The following PDGFC variants were observed in gnomAD, a reference collection of about 807,000 sequenced individuals.
PDGFC encodes the protein platelet derived growth factor C.
PDGFC carries 12 observed loss-of-function variants against 35.5 expected under a neutral mutation model. The observed-to-expected ratio is 0.34, with a 90% CI of 0.22 to 0.55. PDGFC has a LOEUF of 0.55. Among genes scored for constraint, PDGFC ranks in the 20% least tolerant of loss-of-function variants. The pLI, the probability that PDGFC is intolerant of heterozygous loss-of-function variation, is 0.91. For synonymous variants in PDGFC, 159 were observed against 148.8 expected, an observed-to-expected ratio of 1.07 and a Z score of -0.50; for missense variants, 322 against 412.4, an observed-to-expected ratio of 0.78 and a Z score of 1.90.
At chr4:156,827,374 G>A (rs146717958) in intron 2 of PDGFC, among the ~76,000 whole-genome samples, 15 of 150,608 alleles carry the variant, frequency 1.0e-4, no homozygotes, top group African/African-American at 2.5e-4. Flanking sequence ...GGGAGATCAC[G>A]CCACTGCACT....
intron 1 of PDGFC, among the ~76,000 whole-genome samples, chr4:156,881,660 G>A (rs536897081): frequency 3.1e-4 from 47 of 152,000 alleles, no homozygotes; most frequent in Admixed American, 2.8e-3. Context: ...GTGAAACCCT[G>A]TCTCTACTAA....
intron 1 of PDGFC, among the ~76,000 whole-genome samples, chr4:156,883,953 C>T (rs1730314619): frequency 6.6e-6 from 1 of 152,164 alleles, no homozygotes; most frequent in Non-Finnish European, 1.5e-5. Flanking sequence ...ACAAACAATG[C>T]TCACACAAAT....
At chr4:156,970,580 C>A (rs1315859167) in intron 1 of PDGFC, among the ~76,000 whole-genome samples, 1 of 152,190 alleles carries the variant, frequency 6.6e-6, no homozygotes, top group East Asian at 1.9e-4. Flanking sequence ...CTCACGTTGC[C>A]CTCTTGGAGC....
At chr4:156,814,419 A>T (rs1451970036) in intron 2 of PDGFC, among the ~76,000 whole-genome samples, 1 of 152,142 alleles carries the variant, frequency 6.6e-6, no homozygotes, top group Non-Finnish European at 1.5e-5. Flanking sequence ...AGAGAATTTC[A>T]CCTGAAGCAG....
intron 1 of PDGFC, among the ~76,000 whole-genome samples, chr4:156,903,561 T>C (rs981882712): frequency 4.6e-5 from 7 of 152,058 alleles, no homozygotes; most frequent in African/African-American, 1.4e-4. Context: ...AACTACAAAA[T>C]AACACATAGC....
rs1406539113 is a variant in PDGFC, at chr4:156,970,775, G to GA, written c.118+10dup. 6.6e-7 allele frequency: 1 copy of GA among 1,523,582 alleles called. No homozygotes were observed. Among genetic ancestry groups the GA allele is most frequent in the Admixed American group, 1.7e-5 (1 of 59,862 alleles). The allele number at this position is 1,523,582 out of a possible 1,614,324, so 94.4% of individuals were successfully genotyped here. ...AGAAACAAGCAGGGGGAGAATGGGG[G>GA]AAAGACTCACCGTTCTGTTCCTTGT... On this transcript the variant is annotated intron_variant, in intron 1 of 5. Coordinates refer to ENST00000502773, the MANE Select transcript of PDGFC (RefSeq NM_016205.3).
intron 1 of PDGFC, among the ~76,000 whole-genome samples, chr4:156,938,442 A>G (rs1294223738): frequency 6.6e-6 from 1 of 152,178 alleles, no homozygotes; most frequent in East Asian, 1.9e-4. Flanking sequence ...TGGGACCCAT[A>G]AAACTTTATA....
At chr4:156,852,176 T>A (rs1729473646) in intron 1 of PDGFC, among the ~76,000 whole-genome samples, 1 of 152,146 alleles carries the variant, frequency 6.6e-6, no homozygotes, top group Non-Finnish European at 1.5e-5. Context: ...CAACAGTCTT[T>A]AGCAATGCCT....
rs758324617 is a variant in PDGFC at position 156,850,420 on chromosome 4, A to G, written c.119-4T>C. The G allele has an allele frequency of 8.4e-6, 13 of 1,553,108 alleles. No individual in the cohort carries two copies. The highest frequency in any genetic ancestry group is 1.1e-5 in the Non-Finnish European group (13 of 1,142,328). On this transcript the variant is annotated splice_polypyrimidine_tract_variant and splice_region_variant and intron_variant, in intron 1 of 5. Transcript: ENST00000502773. ...TCATGCTGAGGATCTTGTACTCCTA[A>G]AGCAAAAAACATAGACATAGACATA... is the stretch of plus-strand genomic sequence containing the variant.
intron 1 of PDGFC, among the ~76,000 whole-genome samples, chr4:156,926,597 G>A (rs1731420310): frequency 6.6e-6 from 1 of 152,200 alleles, no homozygotes. Flanking sequence ...AATTCACTGG[G>A]CAGTCAAATT....
chr4:156,869,939 C>T (rs1033322298), intron 1 of PDGFC, among the ~76,000 whole-genome samples: 1 of 151,780 alleles, frequency 6.6e-6, no homozygotes, highest in African/African-American at 2.4e-5. Flanking sequence ...AAATATAACT[C>T]TCATAATGTC....
chr4:156,793,737 A>C (rs1731362382), intron 3 of PDGFC, among the ~76,000 whole-genome samples: 2 of 151,848 alleles, frequency 1.3e-5, no homozygotes, highest in Non-Finnish European at 2.9e-5. Context: ...ATACTTGTTG[A>C]CTACCACATG....
At chr4:156,926,049 CAAA>C (rs397707839) in intron 1 of PDGFC, among the ~76,000 whole-genome samples, 3 of 67,546 alleles carry the variant, frequency 4.4e-5, no homozygotes, top group Admixed American at 2.0e-4. Context: ...AGATCTGTCT[CAAA>C]AAAAAAAAAA....
chr4:156,922,261 T>C (rs933940556), intron 1 of PDGFC, among the ~76,000 whole-genome samples: 12 of 152,060 alleles, frequency 7.9e-5, no homozygotes, highest in African/African-American at 2.4e-4. Context: ...CAGCTAAACA[T>C]TGTTCATGTG....
chr4:156,836,797 A>C (rs564994125), intron 2 of PDGFC, among the ~76,000 whole-genome samples: 2 of 152,338 alleles, frequency 1.3e-5, no homozygotes, highest in African/African-American at 2.4e-5. Context: ...GAAAACAATA[A>C]ATTTTTTTTG....
chr4:156,868,840 A>G (rs964163524), intron 1 of PDGFC, among the ~76,000 whole-genome samples: 4 of 152,168 alleles, frequency 2.6e-5, no homozygotes, highest in Admixed American at 2.6e-4. Context: ...TCTTCTTTCT[A>G]TAATCATAAA....
rs576483486 is a variant in PDGFC, at chr4:156,762,154, T to C, written c.*936A>G. 6.5e-6 allele frequency: 1 copy of C among 152,748 alleles called. No individual in the cohort carries two copies. The highest frequency in any genetic ancestry group is 1.9e-4 in the East Asian group (1 of 5,184). The allele number at this position is 152,748 out of a possible 1,614,324, so 9.5% of individuals were successfully genotyped here. A position where few individuals can be genotyped will look rare whatever the true frequency, so the allele number is the denominator to read the frequency against. ...GCAGATTAATCTAACTCTAGCACCATACGAGAATGAAATACATGTATTTTT... is the reference window on the plus strand; with the variant it reads ...GCAGATTAATCTAACTCTAGCACCACACGAGAATGAAATACATGTATTTTT... On this transcript the variant is annotated 3_prime_UTR_variant, in exon 6 of 6. Coordinates refer to ENST00000502773, the MANE Select transcript of PDGFC (RefSeq NM_016205.3).
At chr4:156,819,862 C>T (rs1298493781) in intron 2 of PDGFC, among the ~76,000 whole-genome samples, 2 of 152,188 alleles carry the variant, frequency 1.3e-5, no homozygotes, top group Non-Finnish European at 2.9e-5. Flanking sequence ...ATTCACCATT[C>T]TTGATGCCAT....
At chr4:156,782,404 G>A (rs758549205) in intron 3 of PDGFC, among the ~76,000 whole-genome samples, 1 of 151,998 alleles carries the variant, frequency 6.6e-6, no homozygotes, top group Non-Finnish European at 1.5e-5. Flanking sequence ...TACAGTGTAC[G>A]GTGTTACATT....
Sources: allele counts gnomAD v4.1 joint callset (sites outside exome capture counted in the v4.1 genomes callset), GRCh38; gene constraint gnomAD v4.1.1; transcripts MANE v1.5; gene names NCBI Gene and HGNC (gene_info 2026-07-23, HGNC 2026-07-21).